RPS6KC1: variants seen among roughly 807,000 people sequenced by gnomAD.
RPS6KC1 encodes inactive ribosomal protein S6 kinase delta-1.
A neutral mutation model predicts 103.8 loss-of-function variants in RPS6KC1; 54 were observed. The observed-to-expected ratio is 0.52, with a 90% CI of 0.42 to 0.65. The LOEUF (loss-of-function observed/expected upper bound fraction) is 0.65, where lower values mean the gene tolerates loss of function less well. Ranked by LOEUF, RPS6KC1 falls within the 30% of genes least tolerant of loss-of-function variation. The pLI is 0.00. For missense variants in RPS6KC1, 1,151 were observed against 1,253.8 expected (o/e 0.92, Z 1.24); for synonymous variants, 439 against 438.7 (o/e 1.00, Z -0.01).
At chr1:213,744,400 A>G in the RPS6KC1 span, among the ~76,000 whole-genome samples, 2 of 152,218 alleles carry the variant, frequency 1.3e-5, no homozygotes, top group Non-Finnish European at 2.9e-5. Context: ...AAACAAACAC[A>G]AAAACGCAGT....
the RPS6KC1 span, among the ~76,000 whole-genome samples, chr1:213,433,230 T>C: frequency 1.3e-5 from 2 of 152,246 alleles, no homozygotes; most frequent in Non-Finnish European, 2.9e-5. Flanking sequence ...TTGTCTGATA[T>C]GATCACATCT....
the RPS6KC1 span, among the ~76,000 whole-genome samples, chr1:213,639,466 G>A: frequency 6.6e-6 from 1 of 152,048 alleles, no homozygotes. Flanking sequence ...GGCAAGGGCT[G>A]GGGTGGAGCA....
the RPS6KC1 span, among the ~76,000 whole-genome samples, chr1:213,380,214 T>A: frequency 2.0e-5 from 3 of 152,154 alleles, no homozygotes; most frequent in African/African-American, 7.2e-5. Flanking sequence ...CTCAGCAAAC[T>A]GACGCAGGAG....
the RPS6KC1 span, among the ~76,000 whole-genome samples, chr1:213,342,281 A>G: frequency 6.6e-6 from 1 of 152,192 alleles, no homozygotes; most frequent in Non-Finnish European, 1.5e-5. Flanking sequence ...CCCTCCTGTC[A>G]TATTTTGCTG....
chr1:213,693,958 C>T, the RPS6KC1 span, among the ~76,000 whole-genome samples: 12 of 152,348 alleles, frequency 7.9e-5, no homozygotes, highest in African/African-American at 2.9e-4. Context: ...CATCCCTCAC[C>T]CTGGCCCTCG....
At chr1:213,367,088 C>A in the RPS6KC1 span, among the ~76,000 whole-genome samples, 1 of 152,218 alleles carries the variant, frequency 6.6e-6, no homozygotes, top group East Asian at 1.9e-4. Context: ...CTCCTCTGCA[C>A]AAGTTTCAGT....
At chr1:213,688,038 G>A in the RPS6KC1 span, among the ~76,000 whole-genome samples, 1 of 152,100 alleles carries the variant, frequency 6.6e-6, no homozygotes. Flanking sequence ...GTTGGTGTGG[G>A]GCCCTGAGCT....
chr1:213,360,327 C>A, the RPS6KC1 span, among the ~76,000 whole-genome samples: 1 of 152,098 alleles, frequency 6.6e-6, no homozygotes, highest in African/African-American at 2.4e-5. Flanking sequence ...TCACAGATAC[C>A]CTTTCTTCCA....
At chr1:213,639,232 GT>G in the RPS6KC1 span, among the ~76,000 whole-genome samples, 1 of 152,062 alleles carries the variant, frequency 6.6e-6, no homozygotes, top group Non-Finnish European at 1.5e-5. Flanking sequence ...TCTCTAGGAG[GT>G]TTTTGGTAGA....
intron 1 of RPS6KC1, among the ~76,000 whole-genome samples, chr1:213,058,058 CCTT>C: frequency 7.2e-6 from 1 of 139,732 alleles, no homozygotes; most frequent in African/African-American, 2.7e-5. Context: ...GTGCGCCTGA[CCTT>C]TTTTTTTTTT....
At chr1:213,561,897 A>C in the RPS6KC1 span, among the ~76,000 whole-genome samples, 1 of 152,220 alleles carries the variant, frequency 6.6e-6, no homozygotes, top group Non-Finnish European at 1.5e-5. Flanking sequence ...TCCAGATTAA[A>C]GTACTTTTAA....
At chr1:213,205,265 A>G in intron 8 of RPS6KC1, 2 of 985,038 alleles carry the variant, frequency 2.0e-6, no homozygotes, top group Non-Finnish European at 2.4e-6. Flanking sequence ...GACACTTGAG[A>G]TGTTCTGCTG....
chr1:213,770,714 C>G, the RPS6KC1 span, among the ~76,000 whole-genome samples: 5 of 152,166 alleles, frequency 3.3e-5, no homozygotes, highest in Admixed American at 6.5e-5. Flanking sequence ...CAGAGGCCAG[C>G]CTTTTTGTAC....
chr1:213,628,186 T>C, the RPS6KC1 span, among the ~76,000 whole-genome samples: 1 of 152,236 alleles, frequency 6.6e-6, no homozygotes, highest in East Asian at 1.9e-4. Flanking sequence ...CCATTTGTTC[T>C]AGATTTTCTA....
the RPS6KC1 span, among the ~76,000 whole-genome samples, chr1:213,753,141 G>A: frequency 6.6e-4 from 100 of 152,134 alleles, no homozygotes; most frequent in African/African-American, 2.4e-3. Context: ...TTCCCCCTCC[G>A]ACGCATCCAG....
chr1:213,161,159 T>C (rs979588319), intron 6 of RPS6KC1, among the ~76,000 whole-genome samples: 1 of 152,124 alleles, frequency 6.6e-6, no homozygotes, highest in Non-Finnish European at 1.5e-5. Flanking sequence ...ACTCAGAAAC[T>C]ATTAGGCATC....
the RPS6KC1 span, among the ~76,000 whole-genome samples, chr1:213,615,056 A>G: frequency 6.6e-6 from 1 of 152,266 alleles, no homozygotes; most frequent in African/African-American, 2.4e-5. Flanking sequence ...AAACCTGATG[A>G]CACCATACTA....
chr1:213,272,714 A>G lies in RPS6KC1; in HGVS notation c.*80A>G. On this transcript the variant is annotated 3_prime_UTR_variant, in exon 15 of 15. Coordinates refer to ENST00000366960, the MANE Select transcript of RPS6KC1 (RefSeq NM_012424.6). The stretch of plus-strand genomic sequence containing the variant: ...CAGCACTGAGGCACCTCTGACTCAC[A>G]GTTACTTATGGAGCACCAAAGCATT... 9.9e-7 allele frequency: 1 copy of G among 1,008,208 alleles called. No individual in the cohort carries two copies. Among genetic ancestry groups the G allele is most frequent in the African/African-American group, 1.6e-5 (1 of 63,268 alleles). 62.5% of individuals were successfully genotyped at this position (1,008,208 alleles called of 1,614,324 possible).
the RPS6KC1 span, among the ~76,000 whole-genome samples, chr1:213,299,669 CTT>C: frequency 1.5e-4 from 22 of 151,260 alleles, no homozygotes; most frequent in Non-Finnish European, 2.8e-4. Flanking sequence ...TTTTATTTAA[CTT>C]AATATCACTT....
Sources: allele counts gnomAD v4.1 joint callset (sites outside exome capture counted in the v4.1 genomes callset), GRCh38; gene constraint gnomAD v4.1.1; transcripts MANE v1.5; gene names NCBI Gene and HGNC (gene_info 2026-07-23, HGNC 2026-07-21).